The following GRM3 variants were observed in gnomAD, a reference collection of about 807,000 sequenced individuals.
The protein encoded by GRM3 is glutamate metabotropic receptor 3.
Under a neutral mutation model 70.5 loss-of-function variants are expected in GRM3, and 26 were observed. The observed-to-expected ratio is 0.37, with a 90% CI of 0.27 to 0.51. The LOEUF (loss-of-function observed/expected upper bound fraction) is 0.51, where lower values mean the gene tolerates loss of function less well. GRM3 is among the 20% of genes least tolerant of loss of function. The probability of loss-of-function intolerance (pLI) is 0.93; values close to 1 mark genes in which losing one functional copy is unlikely to be tolerated. For missense variants in GRM3, 859 were observed against 1,123.8 expected, an observed-to-expected ratio of 0.76 and a Z score of 3.37; for synonymous variants, 443 against 434.9, an observed-to-expected ratio of 1.02 and a Z score of -0.23.
intron 3 of GRM3, among the ~76,000 whole-genome samples, chr7:86,837,796 AC>A (rs1798486893): frequency 6.6e-6 from 1 of 152,200 alleles, no homozygotes; most frequent in Admixed American, 6.5e-5. Flanking sequence ...GGGTCTATTT[AC>A]CAACACAGGC....
rs1436941476 is a variant in GRM3, at chr7:86,644,590, A to T, written c.-423A>T. 2 of 417,132 alleles carry T rather than the reference A, an allele frequency of 4.8e-6. No homozygotes were observed. Among genetic ancestry groups the T allele is most frequent in the African/African-American group, 2.0e-5 (1 of 49,334 alleles). The allele number at this position is 417,132 out of a possible 1,614,324, so 25.8% of individuals were successfully genotyped here. A position where few individuals can be genotyped will look rare whatever the true frequency, so the allele number is the denominator to read the frequency against. On this transcript the variant is annotated 5_prime_UTR_variant, in exon 1 of 6. Coordinates refer to ENST00000361669, the MANE Select transcript of GRM3 (RefSeq NM_000840.3). ...CCACCCCTCCGTTTTCCCACTCCCC[A>T]CTGACTCGGATGCCTGGATGTTCTG...
intron 1 of GRM3, among the ~76,000 whole-genome samples, chr7:86,653,722 AC>A (rs1331879239): frequency 6.6e-6 from 1 of 151,838 alleles, no homozygotes; most frequent in Non-Finnish European, 1.5e-5. Context: ...AAGAGAAGTT[AC>A]TGGTATTTGA....
chr7:86,729,524 T>C (rs896438239), intron 1 of GRM3, among the ~76,000 whole-genome samples: 1 of 152,240 alleles, frequency 6.6e-6, no homozygotes, highest in African/African-American at 2.4e-5. Flanking sequence ...AAAGCTAATA[T>C]TTCTAAATTG....
At chr7:86,808,519 T>C (rs1797844379) in intron 3 of GRM3, among the ~76,000 whole-genome samples, 1 of 151,852 alleles carries the variant, frequency 6.6e-6, no homozygotes, top group Non-Finnish European at 1.5e-5. Context: ...AGTACAGATA[T>C]AGAATGCCAC....
chr7:86,736,704 T>G (rs1344115669), intron 1 of GRM3, among the ~76,000 whole-genome samples: 2 of 152,160 alleles, frequency 1.3e-5, no homozygotes, highest in Non-Finnish European at 2.9e-5. Context: ...GGGGAAGGTT[T>G]ACATGAGACA....
chr7:86,705,161 T>C (rs1795029254), intron 1 of GRM3, among the ~76,000 whole-genome samples: 1 of 151,982 alleles, frequency 6.6e-6, no homozygotes, highest in African/African-American at 2.4e-5. Flanking sequence ...ATGAATGTTA[T>C]AAAACTATTC....
At chr7:86,709,994 G>A (rs1795155877) in intron 1 of GRM3, 1 of 152,002 alleles carries the variant, frequency 6.6e-6, no homozygotes, top group African/African-American at 2.4e-5. Flanking sequence ...GGCATGTCTT[G>A]CTATTAAAAA....
intron 2 of GRM3, among the ~76,000 whole-genome samples, chr7:86,767,971 CATTT>C (rs1037819554): frequency 7.9e-5 from 12 of 152,078 alleles, no homozygotes; most frequent in Admixed American, 7.2e-4. Context: ...AGGTTTTTTT[CATTT>C]ATCTGGTCAA....
intron 1 of GRM3, among the ~76,000 whole-genome samples, chr7:86,755,630 C>A (rs1202307302): frequency 2.0e-5 from 3 of 151,980 alleles, no homozygotes; most frequent in Non-Finnish European, 4.4e-5. Flanking sequence ...CCAGTGTGTG[C>A]CAGCTGGGTT....
chr7:86,786,734 G>A lies in GRM3; in HGVS notation c.942G>A (p.Glu314=). Residue 314 remains glutamate, a synonymous_variant, in exon 3 of 6, where the codon GAG becomes GAA. Transcript: ENST00000361669. The surrounding 1 kb of genome is among the most constrained non-coding windows in gnomAD (Gnocchi z 6.0). Reference sequence around the variant, plus strand: ...AGGAGAGCATCATCAAGGGCAGCGAGCATGTGGCCTACGGCGCCATCACCC... The same window carrying A: ...AGGAGAGCATCATCAAGGGCAGCGAACATGTGGCCTACGGCGCCATCACCC... The part of the protein sequence containing the change: ...GAQESIIKGS[E]HVAYGAITLE... 2 of 1,613,558 alleles carry A rather than the reference G, an allele frequency of 1.2e-6. No individual in the cohort carries two copies. The highest frequency in any genetic ancestry group is 1.7e-6 in the Non-Finnish European group (2 of 1,180,018).
chr7:86,725,463 G>T lies in GRM3; in HGVS notation c.-140-39543G>T, dbSNP rs2116250167. On this transcript the variant is annotated intron_variant, in intron 1 of 5. Coordinates refer to ENST00000361669, the MANE Select transcript of GRM3 (RefSeq NM_000840.3). ...AGGAGTATGACAATGACAGGCGGAG[G>T]CTGCATCTTTCATAACCTAGCCTCA... is the stretch of plus-strand genomic sequence containing the variant. Among the ~76,000 whole-genome samples the T allele has an allele frequency of 1.3e-5, 2 of 152,204 alleles. 1 individual carries two copies. The highest frequency in any genetic ancestry group is 4.2e-4 in the South Asian group (2 of 4,814).
At chr7:86,764,045 G>A (rs1030211129) in intron 1 of GRM3, among the ~76,000 whole-genome samples, 1 of 152,050 alleles carries the variant, frequency 6.6e-6, no homozygotes. Context: ...GAAGACTCTA[G>A]GGTGCAGATT....
intron 1 of GRM3, among the ~76,000 whole-genome samples, chr7:86,720,759 C>T (rs965410454): frequency 8.3e-6 from 1 of 120,708 alleles, no homozygotes; most frequent in Admixed American, 8.2e-5. Context: ...GCCTTAAATA[C>T]GTCCACTTAG....
At chr7:86,793,770 TCTGCTG>T (rs529134079) in intron 3 of GRM3, among the ~76,000 whole-genome samples, 1 of 152,068 alleles carries the variant, frequency 6.6e-6, no homozygotes, top group Non-Finnish European at 1.5e-5. Flanking sequence ...GCTTGTGCTT[TCTGCTG>T]CTGCTGCTGC....
At chr7:86,835,718 C>T (rs532780736) in intron 3 of GRM3, among the ~76,000 whole-genome samples, 377 of 152,228 alleles carry the variant, frequency 2.5e-3, no homozygotes, top group Non-Finnish European at 4.0e-3. Flanking sequence ...TTAAGTGATC[C>T]TCCCACCTCA....
intron 3 of GRM3, among the ~76,000 whole-genome samples, chr7:86,796,965 G>T (rs773003492): frequency 6.6e-6 from 1 of 152,192 alleles, no homozygotes; most frequent in Non-Finnish European, 1.5e-5. Flanking sequence ...CTTGCCTGCT[G>T]CCATGTAAGA....
chr7:86,817,074 T>C (rs1278322251), intron 3 of GRM3, among the ~76,000 whole-genome samples: 1 of 151,868 alleles, frequency 6.6e-6, no homozygotes, highest in Non-Finnish European at 1.5e-5. Context: ...AAAATAATCT[T>C]GTTATTTTCT....
At chr7:86,821,146 G>A (rs1271408976) in intron 3 of GRM3, among the ~76,000 whole-genome samples, 3 of 150,286 alleles carry the variant, frequency 2.0e-5, no homozygotes. Context: ...CAGATAATGT[G>A]CTCCATGGAA....
chr7:86,710,894 C>G (rs745940931), intron 1 of GRM3, among the ~76,000 whole-genome samples: 65 of 152,074 alleles, frequency 4.3e-4, no homozygotes, highest in Non-Finnish European at 8.4e-4. Flanking sequence ...TGAGAAAACT[C>G]AGGCACAGAA....
Sources: allele counts gnomAD v4.1 joint callset (sites outside exome capture counted in the v4.1 genomes callset), GRCh38; gene constraint gnomAD v4.1.1; non-coding constraint Gnocchi (gnomAD v3.1); transcripts MANE v1.5; gene names NCBI Gene and HGNC (gene_info 2026-07-23, HGNC 2026-07-21).